Variants in TOR3A observed in about 807,000 individuals in gnomAD.
The protein encoded by TOR3A is torsin-3A.
TOR3A carries 44 observed loss-of-function variants against 42.1 expected under a neutral mutation model. The ratio of observed to expected loss-of-function variants is 1.04; its 90% CI spans 0.82 to 1.34. TOR3A has a LOEUF of 1.34. Among genes scored for constraint, TOR3A ranks in the 40% most tolerant of loss-of-function variants. The probability of loss-of-function intolerance (pLI) is 0.00; values close to 1 mark genes in which losing one functional copy is unlikely to be tolerated. For missense variants in TOR3A, 521 were observed against 507.6 expected, an observed-to-expected ratio of 1.03 and a Z score of -0.25; for synonymous variants, 227 against 213.2, an observed-to-expected ratio of 1.06 and a Z score of -0.57.
chr1:179,094,138 C>T lies in TOR3A; in HGVS notation c.864C>T (p.Leu288=), dbSNP rs747436326. Reference sequence around the variant, plus strand: ...TCAATGAGGTGGTCCTAAAGTTGCTCAAGGCTGGATGGTCCCGGGAAGAAA... The same window carrying T: ...TCAATGAGGTGGTCCTAAAGTTGCTTAAGGCTGGATGGTCCCGGGAAGAAA... ...DIINEVVLKL[L]KAGWSREEIT... The change falls in exon 5 of 6, where the codon CTC becomes CTT. Residue 288 remains leucine, a synonymous_variant. Coordinates refer to ENST00000367627, the MANE Select transcript of TOR3A (RefSeq NM_022371.4). 5.9e-5 allele frequency: 96 copies of T among 1,613,932 alleles called. No homozygotes were observed. The highest frequency in any genetic ancestry group is 7.8e-5 in the Non-Finnish European group (92 of 1,180,004).
Position 179,085,704 on chromosome 1 carries a change from CTACT to C in TOR3A, c.453_456del (p.Tyr151Ter). 1.2e-6 allele frequency: 2 copies of C among 1,614,252 alleles called. No homozygotes were observed. The highest frequency in any genetic ancestry group is 2.2e-5 in the East Asian group (1 of 44,890). On this transcript the variant is annotated frameshift_variant, in exon 3 of 6. Coordinates refer to ENST00000367627, the MANE Select transcript of TOR3A (RefSeq NM_022371.4). LOFTEE classifies it high-confidence loss of function. ...AGCTGGTCCTAAGAACAGTGAGGGG[CTACT>C]TAGAGACGCCCCAGCCAGAAAAGGC...
intron 4 of TOR3A, among the ~76,000 whole-genome samples, chr1:179,088,828 G>C (rs1426720415): frequency 1.3e-5 from 2 of 152,198 alleles, no homozygotes; most frequent in Non-Finnish European, 2.9e-5. Flanking sequence ...GGGGAGTCCT[G>C]TGTCTGTTAC....
Position 179,095,953 on chromosome 1 carries a change from T to TGTATGTAAAGATGATAAGATTA in TOR3A, c.*736_*757dup. On this transcript the variant is annotated 3_prime_UTR_variant, in exon 6 of 6. Transcript: ENST00000367627. ...CAATAGGGGGTCTTGACATGTTTGT[T>TGTATGTAAAGATGATAAGATTA]GTATGTAAAGATGATAAGATTAAAA... The TGTATGTAAAGATGATAAGATTA allele has an allele frequency of 1.0e-6, 1 of 985,270 alleles. No homozygotes were observed. 61.0% of individuals were successfully genotyped at this position (985,270 alleles called of 1,614,324 possible).
At chr1:179,089,708 G>A (rs1483029409) in intron 4 of TOR3A, among the ~76,000 whole-genome samples, 3 of 152,172 alleles carry the variant, frequency 2.0e-5, no homozygotes, top group Non-Finnish European at 2.9e-5. Context: ...CTGAGCCCTG[G>A]GTCGGGCAGT....
chr1:179,095,933 G>GGGGGTCTT lies in TOR3A; in HGVS notation c.*717_*724dup, dbSNP rs1165961165. The GGGGGTCTT allele has an allele frequency of 2.8e-4, 277 of 984,828 alleles. 2 individuals are homozygous for GGGGGTCTT. Among genetic ancestry groups the GGGGGTCTT allele is most frequent in the Admixed American group, 1.1e-3 (17 of 16,182 alleles). The allele number at this position is 984,828 out of a possible 1,614,324, so 61.0% of individuals were successfully genotyped here. On this transcript the variant is annotated 3_prime_UTR_variant, in exon 6 of 6. Coordinates refer to ENST00000367627, the MANE Select transcript of TOR3A (RefSeq NM_022371.4). ...AGGGGGGACCTTTTCAAAGACAATA[G>GGGGGTCTT]GGGGTCTTGACATGTTTGTTGTATG...
intron 5 of TOR3A, 95 bp from the exon 6 acceptor site, chr1:179,094,873 G>A: frequency 8.0e-7 from 1 of 1,253,530 alleles, no homozygotes; most frequent in African/African-American, 1.5e-5. Context: ...GCAAGCCCCT[G>A]TTTCAAAGAA....
At chr1:179,087,423 C>T (rs74454815) in intron 3 of TOR3A, among the ~76,000 whole-genome samples, 13,879 of 152,252 alleles carry the variant, frequency 0.091, 682 homozygotes, top group African/African-American at 0.11. Flanking sequence ...TCTCTTTGCC[C>T]ATCACCCCTG....
intron 1 of TOR3A, chr1:179,082,590 C>A: frequency 1.2e-6 from 1 of 809,196 alleles, no homozygotes; most frequent in Non-Finnish European, 2.0e-6. Flanking sequence ...GCGTCCCCTG[C>A]GCACCCCCCT....
At chr1:179,087,269 AG>A (rs1652459221) in intron 3 of TOR3A, among the ~76,000 whole-genome samples, 1 of 152,236 alleles carries the variant, frequency 6.6e-6, no homozygotes, top group Non-Finnish European at 1.5e-5. Flanking sequence ...AGCTTGCAGG[AG>A]CCAAGTTGGA....
At position 179,082,073 on chromosome 1, in the gene TOR3A, C is replaced by CTTAA; in HGVS notation, c.-55_-52dup. On this transcript the variant is annotated 5_prime_UTR_variant, in exon 1 of 6. Transcript: ENST00000367627. ...GCGGTCCCCGCCTGACCGCCCCGGG[C>CTTAA]TTAAGGGAGCCTGGCTAGGCCGGCA... 1 of 1,414,916 alleles carries CTTAA rather than the reference C, an allele frequency of 7.1e-7. No homozygotes were observed. The highest frequency in any genetic ancestry group is 1.5e-5 in the South Asian group (1 of 65,476). The allele number at this position is 1,414,916 out of a possible 1,614,324, so 87.6% of individuals were successfully genotyped here.
At chr1:179,091,501 CAG>C (rs1233887695) in intron 4 of TOR3A, among the ~76,000 whole-genome samples, 1 of 152,168 alleles carries the variant, frequency 6.6e-6, no homozygotes, top group Non-Finnish European at 1.5e-5. Context: ...TGGGACAAAA[CAG>C]GAGAGATTGA....
rs375736796 is a variant in TOR3A, at chr1:179,095,186, A to C, written c.1162A>C (p.Ile388Leu). ...CTTTTCTTCCCAGGGCTGCAAGTCT[A>C]TTTCCCAGAGGATTAACTACTTCCT... Reference protein sequence around the residue: ...QLFSSQGCKSISQRINYFLS With the variant: ...QLFSSQGCKSLSQRINYFLS Residue 388 changes from isoleucine (I) to leucine (L), a missense_variant, in exon 6 of 6, where the codon ATT becomes CTT. By Grantham distance (5) the Ile-to-Leu change is conservative. Transcript: ENST00000367627. 3.1e-6 allele frequency: 5 copies of C among 1,613,904 alleles called. No homozygotes were observed. In the East Asian group the frequency reaches 8.9e-5, roughly 29 times the overall value.
intron 2 of TOR3A, among the ~76,000 whole-genome samples, chr1:179,083,593 G>A (rs928640904): frequency 3.2e-5 from 4 of 126,106 alleles, no homozygotes; most frequent in South Asian, 3.1e-4. Flanking sequence ...GGGGGGGGGG[G>A]GGGGGGCGGG....
Position 179,095,299 on chromosome 1 carries a change from T to C in TOR3A, c.*81T>C, listed in dbSNP as rs1261281628. 9.5e-6 allele frequency: 15 copies of C among 1,580,594 alleles called. No individual in the cohort carries two copies. The Admixed American group carries it at 2.1e-4, about 22-fold the overall frequency. On this transcript the variant is annotated 3_prime_UTR_variant, in exon 6 of 6. Transcript: ENST00000367627. The stretch of plus-strand genomic sequence containing the variant: ...CCTGTAGGAGCACCCCGTTTGGGAC[T>C]GTGAGGTGTTTGAGGGTGTGGACTG...
chr1:179,090,671 G>C (rs540712883), intron 4 of TOR3A, among the ~76,000 whole-genome samples: 2 of 152,300 alleles, frequency 1.3e-5, no homozygotes, highest in African/African-American at 2.4e-5. Flanking sequence ...GTGGTGCTCA[G>C]AGCCTGTCCT....
chr1:179,094,684 G>C (rs113052939), intron 5 of TOR3A, among the ~76,000 whole-genome samples: 6 of 152,168 alleles, frequency 3.9e-5, no homozygotes, highest in African/African-American at 1.4e-4. Flanking sequence ...ATCTAGACCA[G>C]TCTGGCCAAC....
intron 5 of TOR3A, among the ~76,000 whole-genome samples, chr1:179,094,578 A>T (rs1572578165): frequency 6.6e-6 from 1 of 152,090 alleles, no homozygotes; most frequent in Admixed American, 6.6e-5. Flanking sequence ...ATCCAACCTC[A>T]CCCAGCCCCT....
intron 3 of TOR3A, 54 bp from the exon 4 acceptor site, chr1:179,087,857 G>A: frequency 1.3e-6 from 2 of 1,490,892 alleles, no homozygotes; most frequent in Non-Finnish European, 1.8e-6. Context: ...CGCCCTCAAG[G>A]CCGGAGGTGG....
chr1:179,094,263 G>A, intron 5 of TOR3A, 46 bp downstream of exon 5: 1 of 1,582,668 alleles, frequency 6.3e-7, no homozygotes, highest in Non-Finnish European at 8.6e-7. Flanking sequence ...CACAGCTGGT[G>A]ATAATTAATG....
Sources: allele counts gnomAD v4.1 joint callset (sites outside exome capture counted in the v4.1 genomes callset), GRCh38; gene constraint gnomAD v4.1.1; transcripts MANE v1.5; gene names NCBI Gene and HGNC (gene_info 2026-07-23, HGNC 2026-07-21).